SPATA13: variants seen among roughly 807,000 people sequenced by gnomAD.
SPATA13 encodes the protein spermatogenesis associated 13.
SPATA13 carries 50 observed loss-of-function variants against 104.0 expected under a neutral mutation model. The observed-to-expected ratio is 0.48, with a 90% CI of 0.38 to 0.61. The LOEUF (loss-of-function observed/expected upper bound fraction) is 0.61, where lower values mean the gene tolerates loss of function less well. Among genes scored for constraint, SPATA13 ranks in the 20% least tolerant of loss-of-function variants. The pLI is 0.00. For missense variants in SPATA13, 1,524 were observed against 1,690.6 expected (o/e 0.90, Z 1.73); for synonymous variants, 606 against 667.5 (o/e 0.91, Z 1.42).
intron 3 of SPATA13, among the ~76,000 whole-genome samples, chr13:24,019,210 T>G (rs1199586898): frequency 1.3e-5 from 2 of 149,924 alleles, no homozygotes; most frequent in Admixed American, 6.6e-5. Flanking sequence ...TGCCTCAGCC[T>G]CCCAAGTAGC....
chr13:24,235,738 C>A (rs1274409574), intron 2 of SPATA13, among the ~76,000 whole-genome samples: 1 of 152,234 alleles, frequency 6.6e-6, no homozygotes, highest in Admixed American at 6.5e-5. Context: ...GCCTGGCTGA[C>A]AGAGTGAAAC....
rs73465860 is a variant in SPATA13, at chr13:24,269,093, G to A, written c.2165-15042G>A. ...GGTTTTTTGGAGCGACAGCAGCAGC[G>A]TGACGGCTAACATTTATTAACCCCC... is the stretch of plus-strand genomic sequence containing the variant. On this transcript the variant is annotated intron_variant, in intron 4 of 12. Transcript: ENST00000382108. Among the ~76,000 whole-genome samples, 577 of 152,240 alleles carry A rather than the reference G, an allele frequency of 3.8e-3. 8 individuals are homozygous for A. The highest frequency in any genetic ancestry group is 0.013 in the African/African-American group (547 of 41,520).
At chr13:24,019,591 C>A (rs1876882354) in intron 3 of SPATA13, among the ~76,000 whole-genome samples, 1 of 152,100 alleles carries the variant, frequency 6.6e-6, no homozygotes, top group South Asian at 2.1e-4. Flanking sequence ...TTTTCTTGAG[C>A]AGAATATTAC....
chr13:24,101,689 C>T (rs1424071230), intron 3 of SPATA13, among the ~76,000 whole-genome samples: 1 of 152,178 alleles, frequency 6.6e-6, no homozygotes, highest in East Asian at 1.9e-4. Flanking sequence ...TCTACTAATC[C>T]GTAGAAGTGG....
chr13:24,262,734 A>G (rs1257740379), intron 4 of SPATA13, among the ~76,000 whole-genome samples: 2 of 152,200 alleles, frequency 1.3e-5, no homozygotes, highest in African/African-American at 2.4e-5. Context: ...TAATTAGGGA[A>G]GCATTAACTA....
intron 2 of SPATA13, among the ~76,000 whole-genome samples, chr13:24,012,532 T>C (rs1876517896): frequency 6.6e-6 from 1 of 152,238 alleles, no homozygotes; most frequent in Non-Finnish European, 1.5e-5. Flanking sequence ...GATAGGCTTC[T>C]CACTTGGCCC....
At chr13:24,094,133 G>A (rs574460820) in intron 3 of SPATA13, among the ~76,000 whole-genome samples, 19 of 152,264 alleles carry the variant, frequency 1.2e-4, no homozygotes, top group African/African-American at 4.1e-4. Context: ...GGTTTGTGGG[G>A]GGCACATTTT....
chr13:24,182,395 G>GT (rs1340401241), intron 1 of SPATA13, among the ~76,000 whole-genome samples: 2 of 152,198 alleles, frequency 1.3e-5, no homozygotes, highest in Admixed American at 1.3e-4. Flanking sequence ...CATAGTGCCA[G>GT]TATCTGCCTC....
chr13:24,114,135 A>G (rs573362095), intron 3 of SPATA13, among the ~76,000 whole-genome samples: 1 of 152,288 alleles, frequency 6.6e-6, no homozygotes, highest in Admixed American at 6.5e-5. Flanking sequence ...CTTTGGTTAG[A>G]TTGTATAATT....
At chr13:24,248,974 A>G (rs1396092752) in intron 2 of SPATA13, among the ~76,000 whole-genome samples, 1 of 151,954 alleles carries the variant, frequency 6.6e-6, no homozygotes, top group Non-Finnish European at 1.5e-5. Context: ...GGATCAAGCA[A>G]TTCTCCTGTC....
intron 3 of SPATA13, among the ~76,000 whole-genome samples, chr13:24,129,157 G>C (rs1211090323): frequency 2.0e-5 from 3 of 152,244 alleles, no homozygotes; most frequent in African/African-American, 7.2e-5. Flanking sequence ...TCCAGGTGGT[G>C]TGGGCTGAAA....
intron 4 of SPATA13, among the ~76,000 whole-genome samples, chr13:24,257,980 A>G (rs754975480): frequency 1.3e-5 from 2 of 152,140 alleles, no homozygotes; most frequent in Non-Finnish European, 2.9e-5. Context: ...AACGATAAGA[A>G]TTCTGGATTC....
intron 3 of SPATA13, among the ~76,000 whole-genome samples, chr13:24,140,436 A>AT (rs888631472): frequency 4.4e-4 from 67 of 152,202 alleles, no homozygotes; most frequent in African/African-American, 1.5e-3. Flanking sequence ...TAGAGTTTTC[A>AT]TTTTCAAAAA....
At chr13:24,237,938 A>T (rs907328355) in intron 2 of SPATA13, among the ~76,000 whole-genome samples, 1 of 148,368 alleles carries the variant, frequency 6.7e-6, no homozygotes, top group African/African-American at 2.4e-5. Context: ...TACATGTTTA[A>T]ATATGCAATA....
At chr13:24,081,450 G>A (rs1180362129) in intron 3 of SPATA13, among the ~76,000 whole-genome samples, 2 of 152,024 alleles carry the variant, frequency 1.3e-5, no homozygotes, top group Non-Finnish European at 2.9e-5. Context: ...GTTGTAGCAT[G>A]TCTGTAAGTA....
intron 1 of SPATA13, among the ~76,000 whole-genome samples, chr13:24,190,279 T>TACC (rs1486766333): frequency 2.4e-4 from 2 of 8,216 alleles, no homozygotes; most frequent in African/African-American, 2.6e-4. Flanking sequence ...TATTATTATA[T>TACC]ATAATATATA....
chr13:24,046,958 T>A (rs932482300), intron 3 of SPATA13, among the ~76,000 whole-genome samples: 1 of 152,122 alleles, frequency 6.6e-6, no homozygotes, highest in African/African-American at 2.4e-5. Flanking sequence ...TATTACTTTA[T>A]TACTCAAATC....
chr13:24,184,272 T>C (rs1445052426), intron 1 of SPATA13, among the ~76,000 whole-genome samples: 1 of 152,198 alleles, frequency 6.6e-6, no homozygotes, highest in Non-Finnish European at 1.5e-5. Flanking sequence ...GGAAAAATGT[T>C]TGGTTTTGCC....
chr13:24,232,521 C>A (rs1031261411), intron 2 of SPATA13, among the ~76,000 whole-genome samples: 4 of 152,182 alleles, frequency 2.6e-5, no homozygotes, highest in African/African-American at 9.7e-5. Context: ...TTCTCACAGT[C>A]TGGCTTGTCT....
Sources: gnomAD v4.1 joint callset for allele counts (sites outside exome capture counted in the v4.1 genomes callset) on GRCh38, gnomAD v4.1.1 for gene constraint, MANE v1.5 for transcripts, NCBI Gene and HGNC (gene_info 2026-07-23, HGNC 2026-07-21) for gene names.